KANK1: variants seen among roughly 807,000 people sequenced by gnomAD.
The protein encoded by KANK1 is KN motif and ankyrin repeat domains 1.
KANK1 carries 109 observed loss-of-function variants against 106.2 expected under a neutral mutation model. The observed-to-expected ratio is 1.03, with a 90% confidence interval of 0.88 to 1.20. The LOEUF (loss-of-function observed/expected upper bound fraction) is 1.20. Ranked by LOEUF, KANK1 falls within the 50% of genes most tolerant of loss-of-function variation. The pLI is 0.00. For synonymous variants in KANK1, 873 were observed against 652.2 expected (o/e 1.34, Z -5.16); for missense variants, 2,399 against 1,710.7 (o/e 1.40, Z -7.10).
chr9:485,950 G>A (rs997287872), intron 3 of KANK1, among the ~76,000 whole-genome samples: 4 of 151,924 alleles, frequency 2.6e-5, no homozygotes, highest in African/African-American at 9.7e-5. Context: ...TTGAGGCTCT[G>A]ATCAAGCTGA....
intron 1 of KANK1, among the ~76,000 whole-genome samples, chr9:508,404 T>C (rs1358567706): frequency 6.6e-6 from 1 of 152,216 alleles, no homozygotes; most frequent in African/African-American, 2.4e-5. Flanking sequence ...CCCAAAGTGC[T>C]GGCATTACAG....
At chr9:528,335 G>A (rs1587531119) in intron 1 of KANK1, among the ~76,000 whole-genome samples, 1 of 151,612 alleles carries the variant, frequency 6.6e-6, no homozygotes, top group East Asian at 1.9e-4. Context: ...TCTAATGTTG[G>A]TGGTCCTTCT....
intron 1 of KANK1, among the ~76,000 whole-genome samples, chr9:621,682 C>T (rs1408417689): frequency 3.3e-5 from 5 of 152,074 alleles, no homozygotes; most frequent in African/African-American, 9.7e-5. Flanking sequence ...CTCTTTCCTT[C>T]GCTCTCAGCA....
chr9:690,010 G>A (rs1213557689), intron 2 of KANK1, among the ~76,000 whole-genome samples: 1 of 151,802 alleles, frequency 6.6e-6, no homozygotes, highest in Non-Finnish European at 1.5e-5. Context: ...ACAAGAGGCT[G>A]GGCACGGTGG....
intron 1 of KANK1, among the ~76,000 whole-genome samples, chr9:551,335 T>C (rs2061270112): frequency 6.6e-6 from 1 of 152,010 alleles, no homozygotes; most frequent in Non-Finnish European, 1.5e-5. Flanking sequence ...AGAGTCAATC[T>C]ACTAGTTTGC....
In KANK1 at chr9:518,747, G is replaced by T. The variant is rs1268255352; in HGVS notation, c.-84+13993G>T. On this transcript the variant is annotated intron_variant, in intron 1 of 11. Coordinates refer to ENST00000382297, the MANE Select transcript of KANK1 (RefSeq NM_015158.5). The stretch of plus-strand genomic sequence containing the variant: ...AGGCTAGAGGAGCGGAGAAAGGGCG[G>T]TGACCCTGTATGACATACAGTGAAC... Among the ~76,000 whole-genome samples the T allele has an allele frequency of 3.3e-5, 5 of 151,512 alleles. 1 individual carries two copies. Among genetic ancestry groups the T allele is most frequent in the African/African-American group, 1.2e-4 (5 of 40,880 alleles).
chr9:662,890 G>C (rs10975632), intron 1 of KANK1, among the ~76,000 whole-genome samples: 1 of 152,130 alleles, frequency 6.6e-6, no homozygotes, highest in Admixed American at 6.5e-5. Flanking sequence ...TCAAACTCCT[G>C]ACCTCAGGTG....
At chr9:707,035 T>A (rs1017015915) in intron 2 of KANK1, 2 of 985,284 alleles carry the variant, frequency 2.0e-6, no homozygotes, top group African/African-American at 3.5e-5. Context: ...AACAGCTGAG[T>A]GCGGCGGGGG....
At chr9:635,612 A>G (rs766238328) in intron 1 of KANK1, among the ~76,000 whole-genome samples, 2 of 151,848 alleles carry the variant, frequency 1.3e-5, no homozygotes, top group Non-Finnish European at 2.9e-5. Context: ...AGAATTCTAT[A>G]TGAGTAGAAT....
intron 3 of KANK1, among the ~76,000 whole-genome samples, chr9:728,588 T>A (rs892538719): frequency 6.6e-6 from 1 of 152,218 alleles, no homozygotes; most frequent in Non-Finnish European, 1.5e-5. Flanking sequence ...TGTCCAGGCC[T>A]TTTCCTGATC....
rs148526530 is a variant in KANK1 at position 611,878 on chromosome 9, C to T, written c.-83-65012C>T. Among the ~76,000 whole-genome samples the T allele has an allele frequency of 6.7e-3, 1,014 of 152,250 alleles. 17 individuals are homozygous for T. The highest frequency in any genetic ancestry group is 0.023 in the African/African-American group (958 of 41,516). On this transcript the variant is annotated intron_variant, in intron 1 of 11. Coordinates refer to ENST00000382297, the MANE Select transcript of KANK1 (RefSeq NM_015158.5). ...GGATTACAGGCGCATGCCACCACACCCGGCTAATTTTTTGTATGTTTAGTA... is the reference window on the plus strand; with the variant it reads ...GGATTACAGGCGCATGCCACCACACTCGGCTAATTTTTTGTATGTTTAGTA...
chr9:533,155 G>A (rs1415253626), intron 1 of KANK1, among the ~76,000 whole-genome samples: 1 of 152,070 alleles, frequency 6.6e-6, no homozygotes, highest in African/African-American at 2.4e-5. Flanking sequence ...TTGAACAAAG[G>A]TTGTTGAAAA....
At position 711,219 on chromosome 9, in the gene KANK1, C is replaced by A. The variant is rs139301285; in HGVS notation, c.453C>A (p.Asn151Lys). 6.2e-7 allele frequency: 1 copy of A among 1,614,166 alleles called. No homozygotes were observed. Among genetic ancestry groups the A allele is most frequent in the Admixed American group, 1.7e-5 (1 of 60,006 alleles). ...CCTCACCACAACTCCCAAAGCATAA[C>A]CTTCATGTCACCAAGACACTGATGG... ...PPPSPQLPKHNLHVTKTLMET... is the reference protein window; with the variant it reads ...PPPSPQLPKHKLHVTKTLMET... The change falls in exon 3 of 12, where the codon AAC (asparagine) becomes AAA (lysine). Residue 151 changes from asparagine (N) to lysine (K), a missense_variant. Transcript: ENST00000382297.
At chr9:652,778 A>G (rs918385713) in intron 1 of KANK1, among the ~76,000 whole-genome samples, 2 of 152,238 alleles carry the variant, frequency 1.3e-5, no homozygotes, top group Non-Finnish European at 2.9e-5. Flanking sequence ...CGTTGATAGT[A>G]GTAGAATTAC....
intron 1 of KANK1, among the ~76,000 whole-genome samples, chr9:643,257 CT>C (rs1319639135): frequency 1.3e-5 from 2 of 150,872 alleles, no homozygotes; most frequent in African/African-American, 5.0e-5. Context: ...AGATCCATAA[CT>C]TTCATAAGCA....
Position 664,945 on chromosome 9 carries a change from T to C in KANK1, c.-83-11945T>C, listed in dbSNP as rs371924792. On this transcript the variant is annotated intron_variant, in intron 1 of 11. Coordinates refer to ENST00000382297, the MANE Select transcript of KANK1 (RefSeq NM_015158.5). ...AATTACTGATGTTGAGCACTTCTTA[T>C]ACCCTTTGTTCATTTGTCCTCTGTT... Among the ~76,000 whole-genome samples the C allele has an allele frequency of 3.9e-5, 6 of 152,332 alleles. No individual in the cohort carries two copies. In the East Asian group the frequency reaches 7.7e-4, roughly 20 times the overall value.
intron 1 of KANK1, 43 bp from the exon 2 acceptor site, chr9:676,847 T>C: frequency 1.4e-6 from 1 of 725,268 alleles, no homozygotes; most frequent in Non-Finnish European, 2.4e-6. Context: ...TTTGTACATT[T>C]TTTAAATGAT....
At chr9:702,670 C>T (rs1822981163) in intron 2 of KANK1, among the ~76,000 whole-genome samples, 1 of 152,098 alleles carries the variant, frequency 6.6e-6, no homozygotes, top group Admixed American at 6.6e-5. Flanking sequence ...AGCCTCTTTC[C>T]CTACGTCAGT....
At chr9:669,013 G>A (rs2138492289) in intron 1 of KANK1, among the ~76,000 whole-genome samples, 1 of 152,184 alleles carries the variant, frequency 6.6e-6, no homozygotes, top group East Asian at 1.9e-4. Flanking sequence ...ACTGGTCCAT[G>A]GCTCAGGAGT....
Sources: allele counts gnomAD v4.1 joint callset (sites outside exome capture counted in the v4.1 genomes callset), GRCh38; gene constraint gnomAD v4.1.1; transcripts MANE v1.5; gene names NCBI Gene and HGNC (gene_info 2026-07-23, HGNC 2026-07-21).